The following AKR1D1 variants were observed in gnomAD, a reference collection of about 807,000 sequenced individuals.
AKR1D1 encodes aldo-keto reductase family 1 member D1.
Under a neutral mutation model 42.6 loss-of-function variants are expected in AKR1D1, and 32 were observed. The observed-to-expected ratio is 0.75, with a 90% CI of 0.57 to 1.01. The LOEUF is 1.01. AKR1D1 is among the 50% of genes least tolerant of loss of function. AKR1D1 has a pLI of 0.00. For missense variants in AKR1D1, 364 were observed against 402.2 expected, an observed-to-expected ratio of 0.91 and a Z score of 0.81; for synonymous variants, 123 against 135.5, an observed-to-expected ratio of 0.91 and a Z score of 0.64.
intron 2 of AKR1D1, among the ~76,000 whole-genome samples, chr7:138,090,764 A>G (rs1474708801): frequency 3.3e-5 from 5 of 152,136 alleles, no homozygotes; most frequent in Non-Finnish European, 5.9e-5. Flanking sequence ...CAACCTTGGC[A>G]CCGTATGTCT....
intron 3 of AKR1D1, among the ~76,000 whole-genome samples, chr7:138,095,832 G>C (rs1217481193): frequency 6.6e-6 from 1 of 151,418 alleles, no homozygotes; most frequent in Non-Finnish European, 1.5e-5. Flanking sequence ...GGCCAAATTA[G>C]GAACAAATTT....
Position 138,088,656 on chromosome 7 carries a change from G to C in AKR1D1, c.149G>C (p.Arg50Pro). The change falls in exon 2 of 9, where the codon CGA becomes CCA. Residue 50 changes from arginine (R) to proline (P), a missense_variant. By Grantham distance (103) the Arg-to-Pro change is moderately radical. Transcript: ENST00000242375. ...AAGGTTGCTATTGACACAGGGTACC[G>C]ACATATTGATGGGGCCTACATCTAC... ...SVKVAIDTGYRHIDGAYIYQN... is the reference protein window; with the variant it reads ...SVKVAIDTGYPHIDGAYIYQN... 6.2e-7 allele frequency: 1 copy of C among 1,614,074 alleles called. No individual in the cohort carries two copies. The highest frequency in any genetic ancestry group is 1.1e-5 in the South Asian group (1 of 91,058).
chr7:138,076,708 T>C, intron 1 of AKR1D1, 97 bp downstream of exon 1: 1 of 1,049,980 alleles, frequency 9.5e-7, no homozygotes. Flanking sequence ...TCTCATTGAC[T>C]TACTTTTTGT....
At chr7:138,102,372 A>C (rs1233977307) in intron 4 of AKR1D1, among the ~76,000 whole-genome samples, 1 of 152,138 alleles carries the variant, frequency 6.6e-6, no homozygotes, top group East Asian at 1.9e-4. Flanking sequence ...GTTCAAGACC[A>C]GCATGGGGAA....
intron 4 of AKR1D1, chr7:138,098,213 G>T: frequency 2.9e-6 from 1 of 340,836 alleles, no homozygotes; most frequent in Non-Finnish European, 5.3e-6. Flanking sequence ...TAATATAAAA[G>T]TAATTAAAAT....
chr7:138,103,290 TA>T (rs139504017), intron 4 of AKR1D1, among the ~76,000 whole-genome samples: 15,684 of 152,088 alleles, frequency 0.1, 993 homozygotes, highest in Middle Eastern at 0.21. Context: ...GTATTATCTA[TA>T]AAAATATTAA....
intron 7 of AKR1D1, among the ~76,000 whole-genome samples, chr7:138,110,076 A>G (rs780498711): frequency 1.3e-5 from 2 of 152,190 alleles, no homozygotes; most frequent in Non-Finnish European, 2.9e-5. Flanking sequence ...TGAAAATCAC[A>G]GCCAATTCTC....
At position 138,117,349 on chromosome 7, in the gene AKR1D1, T is replaced by C. The variant is rs965235246; in HGVS notation, c.*687T>C. On this transcript the variant is annotated 3_prime_UTR_variant, in exon 9 of 9. Transcript: ENST00000242375. ...AGGGCCTGAGTCTCAACATGGCTGC[T>C]GATCCATACTTACACATCTTACTGT... 8 of 152,710 alleles carry C rather than the reference T, an allele frequency of 5.2e-5. No individual in the cohort carries two copies. Among genetic ancestry groups the C allele is most frequent in the African/African-American group, 1.9e-4 (8 of 41,462 alleles). The allele number at this position is 152,710 out of a possible 1,614,324, so 9.5% of individuals were successfully genotyped here. A position where few individuals can be genotyped will look rare whatever the true frequency, so the allele number is the denominator to read the frequency against.
intron 4 of AKR1D1, among the ~76,000 whole-genome samples, chr7:138,100,619 C>T (rs886689185): frequency 2.0e-5 from 3 of 149,826 alleles, no homozygotes; most frequent in African/African-American, 7.4e-5. Flanking sequence ...CCCCTAATAA[C>T]AGAGCTTCAA....
chr7:138,114,878 G>A (rs746045974), intron 8 of AKR1D1, among the ~76,000 whole-genome samples: 9 of 151,858 alleles, frequency 5.9e-5, no homozygotes, highest in Non-Finnish European at 1.2e-4. Flanking sequence ...ATATAGTTTG[G>A]ACACTTACTT....
intron 1 of AKR1D1, among the ~76,000 whole-genome samples, chr7:138,083,332 T>G (rs1166247939): frequency 6.6e-6 from 1 of 152,266 alleles, no homozygotes; most frequent in African/African-American, 2.4e-5. Flanking sequence ...GCCATTTGTA[T>G]GTCTTCTTTG....
intron 4 of AKR1D1, among the ~76,000 whole-genome samples, chr7:138,099,166 C>T (rs767617939): frequency 6.6e-6 from 1 of 152,108 alleles, no homozygotes; most frequent in African/African-American, 2.4e-5. Context: ...TCCCAGTGCC[C>T]GGGGCTCTGT....
At chr7:138,110,377 T>C (rs921156866) in intron 7 of AKR1D1, among the ~76,000 whole-genome samples, 1 of 152,096 alleles carries the variant, frequency 6.6e-6, no homozygotes, top group African/African-American at 2.4e-5. Flanking sequence ...GGCAGGAAGA[T>C]TGCTTGAGAC....
chr7:138,107,211 T>TAAACTTG (rs1794450979), intron 6 of AKR1D1: 1 of 743,760 alleles, frequency 1.3e-6, no homozygotes, highest in African/African-American at 1.7e-5. Context: ...GGCAGCTCCA[T>TAAACTTG]AAACTTGCCT....
At position 138,116,724 on chromosome 7, in the gene AKR1D1, G is replaced by A; in HGVS notation, c.*62G>A. ...GAGTGCCAAGACGGTGCAATGGGTAGTCCCCTAGATGTGAAAATGAAGAGA... is the reference window on the plus strand; with the variant it reads ...GAGTGCCAAGACGGTGCAATGGGTAATCCCCTAGATGTGAAAATGAAGAGA... On this transcript the variant is annotated 3_prime_UTR_variant, in exon 9 of 9. Transcript: ENST00000242375. The A allele has an allele frequency of 1.4e-6, 2 of 1,432,610 alleles. No homozygotes were observed. The highest frequency in any genetic ancestry group is 1.1e-5 in the South Asian group (1 of 87,474). The allele number at this position is 1,432,610 out of a possible 1,614,324, so 88.7% of individuals were successfully genotyped here.
intron 7 of AKR1D1, among the ~76,000 whole-genome samples, chr7:138,110,652 C>G (rs1794519388): frequency 6.6e-6 from 1 of 152,070 alleles, no homozygotes; most frequent in African/African-American, 2.4e-5. Flanking sequence ...GCTCAGGAGG[C>G]TGAGGCAGGA....
chr7:138,083,060 T>A (rs1294271258), intron 1 of AKR1D1, among the ~76,000 whole-genome samples: 1 of 152,228 alleles, frequency 6.6e-6, no homozygotes, highest in Non-Finnish European at 1.5e-5. Context: ...GTTCTATTTT[T>A]AATTGTTTTT....
At chr7:138,109,986 C>T (rs1043621533) in intron 7 of AKR1D1, among the ~76,000 whole-genome samples, 1 of 151,834 alleles carries the variant, frequency 6.6e-6, no homozygotes, top group Non-Finnish European at 1.5e-5. Flanking sequence ...GTTTCCATAG[C>T]CTTGATAATA....
intron 2 of AKR1D1, among the ~76,000 whole-genome samples, chr7:138,089,355 A>G (rs1794015068): frequency 6.6e-6 from 1 of 152,044 alleles, no homozygotes; most frequent in Non-Finnish European, 1.5e-5. Context: ...TCTCTCAAAA[A>G]AAAAAAAGCA....
Sources: allele counts gnomAD v4.1 joint callset (sites outside exome capture counted in the v4.1 genomes callset), GRCh38; gene constraint gnomAD v4.1.1; transcripts MANE v1.5; gene names NCBI Gene and HGNC (gene_info 2026-07-23, HGNC 2026-07-21).